The following DET1 variants were observed in gnomAD, a reference collection of about 807,000 sequenced individuals.
DET1 encodes the protein DET1 homolog.
Under a neutral mutation model 43.7 loss-of-function variants are expected in DET1, and 22 were observed. That is an observed-to-expected ratio of 0.50 (90% CI 0.36 to 0.72). DET1 has a LOEUF of 0.72. Ranked by LOEUF, DET1 falls within the 30% of genes least tolerant of loss-of-function variation. The pLI, the probability that DET1 is intolerant of heterozygous loss-of-function variation, is 0.00. For missense variants in DET1, 713 were observed against 713.3 expected, an observed-to-expected ratio of 1.00 and a Z score of 0.00; for synonymous variants, 315 against 266.2, an observed-to-expected ratio of 1.18 and a Z score of -1.79.
rs578127581 is a variant in DET1 at position 88,504,349 on chromosome 15, C to A, written c.*2066-362G>T. On this transcript the variant is annotated intron_variant and NMD_transcript_variant, in intron 7 of 8. Coordinates refer to the DET1 transcript ENST00000557842. This position sits in a 1 kb window ranked among gnomAD's most constrained non-coding sequence, Gnocchi z 4.7. ...CTTCTACTGTGTTTTATTGGTCATG[C>A]CAATCAACCATGATACGATGTGGGA... is the stretch of plus-strand genomic sequence containing the variant. 3.3e-5 allele frequency: 5 copies of A among 152,200 alleles called. No individual in the cohort carries two copies. In the East Asian group the frequency reaches 9.6e-4, roughly 29 times the overall value. The allele number at this position is 152,200 out of a possible 1,614,324, so 9.4% of individuals were successfully genotyped here.
intron 1 of DET1, among the ~76,000 whole-genome samples, chr15:88,538,878 TGTTCTG>T (rs1441004910): frequency 6.6e-6 from 1 of 152,210 alleles, no homozygotes; most frequent in Non-Finnish European, 1.5e-5. Context: ...GATTTGACTT[TGTTCTG>T]GTTCTGGTAA....
chr15:88,529,305 G>A (rs886852649), intron 2 of DET1, among the ~76,000 whole-genome samples: 1 of 152,156 alleles, frequency 6.6e-6, no homozygotes, highest in Admixed American at 6.5e-5. Flanking sequence ...TAATTACATG[G>A]ATATAGAATT....
chr15:88,526,899 A>G (rs1427721392), intron 3 of DET1, among the ~76,000 whole-genome samples: 1 of 152,138 alleles, frequency 6.6e-6, no homozygotes, highest in Non-Finnish European at 1.5e-5. Context: ...TCCTCATTTC[A>G]GCCTACCTCA....
At chr15:88,532,743 A>G (rs968357027) in intron 1 of DET1, among the ~76,000 whole-genome samples, 6 of 152,238 alleles carry the variant, frequency 3.9e-5, no homozygotes, top group African/African-American at 1.4e-4. Context: ...GCCACATGCA[A>G]AAGAATGAAG....
chr15:88,511,408 C>A, downstream of DET1: 3 of 985,492 alleles, frequency 3.0e-6, no homozygotes, highest in Non-Finnish European at 3.6e-6. Context: ...CCAGTGTATG[C>A]TGCAGCTGTA....
At chr15:88,521,194 T>C (rs1013766907) in intron 3 of DET1, among the ~76,000 whole-genome samples, 6 of 152,222 alleles carry the variant, frequency 3.9e-5, no homozygotes, top group Non-Finnish European at 8.8e-5. Flanking sequence ...GCATCAGATC[T>C]ACCTCAGGGC....
intron 1 of DET1, among the ~76,000 whole-genome samples, chr15:88,538,814 C>T (rs1567073949): frequency 1.3e-5 from 2 of 152,186 alleles, no homozygotes; most frequent in African/African-American, 2.4e-5. Flanking sequence ...ATGTCAGTGC[C>T]TTAAAATTCA....
At chr15:88,521,800 TTCTC>T (rs930431704) in intron 3 of DET1, among the ~76,000 whole-genome samples, 20 of 152,182 alleles carry the variant, frequency 1.3e-4, no homozygotes, top group Admixed American at 1.3e-3. Context: ...TGTATGTTCT[TTCTC>T]AAAGTTTTCA....
At position 88,530,653 on chromosome 15, in the gene DET1, T is replaced by C. The variant is rs1287655683; in HGVS notation, c.1053A>G (p.Val351=). ...ATGGATCTGTGACTCGCAGTGTTAC[T>C]ACATCCTCACTAGTGTACTTGATAA... ...HLFIKYTSED[V]VTLRVTDPSQ... The change falls in exon 2 of 5, where the codon GTA becomes GTG. Residue 351 remains valine (V), a synonymous_variant. Transcript: ENST00000268148. 1.2e-6 allele frequency: 2 copies of C among 1,612,314 alleles called. No homozygotes were observed. The highest frequency in any genetic ancestry group is 1.7e-6 in the Non-Finnish European group (2 of 1,179,010).
chr15:88,522,884 T>A (rs1223679906), intron 3 of DET1, among the ~76,000 whole-genome samples: 1 of 135,120 alleles, frequency 7.4e-6, no homozygotes, highest in East Asian at 2.0e-4. Context: ...TTTTTTCTTC[T>A]TCTTTTTTTT....
chr15:88,503,056 G>C (rs2056104142), intron 8 of DET1: 1 of 152,322 alleles, frequency 6.6e-6, no homozygotes, highest in African/African-American at 2.4e-5. Flanking sequence ...TTGAGGCTAG[G>C]AGTTGGAGAC....
At chr15:88,521,944 G>A (rs1206313799) in intron 3 of DET1, among the ~76,000 whole-genome samples, 1 of 150,138 alleles carries the variant, frequency 6.7e-6, no homozygotes, top group Non-Finnish European at 1.5e-5. Flanking sequence ...AATTTTTCTT[G>A]GGGGAAAAAA....
chr15:88,516,351 GC>G lies in DET1; in HGVS notation c.1463+430del, dbSNP rs1316911706. On this transcript the variant is annotated intron_variant, in intron 4 of 4. Coordinates refer to ENST00000268148, the MANE Select transcript of DET1 (RefSeq NM_001144074.3). This position sits in a 1 kb window ranked among gnomAD's most constrained non-coding sequence, Gnocchi z 4.4. ...TTCCAAAATTCCTCCAAGTGAGGAAGCATGAGTTTCTTCTAAATCTGTCAGC... is the reference window on the plus strand; with the variant it reads ...TTCCAAAATTCCTCCAAGTGAGGAAGATGAGTTTCTTCTAAATCTGTCAGC... Among the ~76,000 whole-genome samples, 10 of 152,326 alleles carry G rather than the reference GC, an allele frequency of 6.6e-5. No homozygotes were observed. The highest frequency in any genetic ancestry group is 2.4e-4 in the African/African-American group (10 of 41,568).
chr15:88,511,865 T>C (rs763059176), downstream of DET1, among the ~76,000 whole-genome samples: 4 of 152,266 alleles, frequency 2.6e-5, no homozygotes, highest in Admixed American at 6.5e-5. Context: ...TCCAGCTGTT[T>C]GCATCCATGG....
Position 88,516,649 on chromosome 15 carries a change from A to G in DET1, c.1463+133T>C. 1.4e-6 allele frequency: 1 copy of G among 723,054 alleles called. No individual in the cohort carries two copies. Among genetic ancestry groups the G allele is most frequent in the Non-Finnish European group, 2.1e-6 (1 of 477,294 alleles). The allele number at this position is 723,054 out of a possible 1,614,324, so 44.8% of individuals were successfully genotyped here. ...TCACAGCTCTCACTGCATTATAGAAATAGCCTGCCTTTTCAACCTTACCCA... is the reference window on the plus strand; with the variant it reads ...TCACAGCTCTCACTGCATTATAGAAGTAGCCTGCCTTTTCAACCTTACCCA... On this transcript the variant is annotated intron_variant, in intron 4 of 4. Coordinates refer to ENST00000268148, the MANE Select transcript of DET1 (RefSeq NM_001144074.3). The surrounding 1 kb of genome is among the most constrained non-coding windows in gnomAD (Gnocchi z 4.4).
rs566812415 is a variant in DET1, at chr15:88,543,514, C to T, written c.-11+3026G>A. On this transcript the variant is annotated intron_variant, in intron 1 of 4. Coordinates refer to ENST00000268148, the MANE Select transcript of DET1 (RefSeq NM_001144074.3). ...ACTGTTAGAAACTACCGAAACTGGC[C>T]GACCTGATCTTCAAGATGTGGCCCT... is the stretch of plus-strand genomic sequence containing the variant. 9.4e-4 allele frequency among the ~76,000 whole-genome samples: 143 copies of T among 152,274 alleles called. 2 individuals carry two copies. The highest frequency in any genetic ancestry group is 3.4e-3 in the Middle Eastern group (1 of 294).
intron 7 of DET1, among the ~76,000 whole-genome samples, chr15:88,506,990 A>G (rs2056148667): frequency 1.3e-5 from 2 of 152,220 alleles, no homozygotes; most frequent in South Asian, 2.1e-4. Context: ...GAGAGAAGAC[A>G]CTAGAATTGA....
chr15:88,536,374 C>T (rs373073169), intron 1 of DET1: 12 of 774,250 alleles, frequency 1.5e-5, no homozygotes, highest in East Asian at 2.4e-5. Flanking sequence ...TTGCTGTATT[C>T]CCAGCACCTA....
At position 88,516,713 on chromosome 15, in the gene DET1, A is replaced by G. The variant is rs1257603155; in HGVS notation, c.1463+69T>C. Reference sequence around the variant, plus strand: ...CAGTCACAATCAAATGATGTCCAGAAAAAGAGAAAAAGAAAGCAGGCCATC... The same window carrying G: ...CAGTCACAATCAAATGATGTCCAGAGAAAGAGAAAAAGAAAGCAGGCCATC... On this transcript the variant is annotated intron_variant, in intron 4 of 4. Coordinates refer to ENST00000268148, the MANE Select transcript of DET1 (RefSeq NM_001144074.3). The surrounding 1 kb of genome is among the most constrained non-coding windows in gnomAD (Gnocchi z 4.4). The G allele has an allele frequency of 2.6e-5, 34 of 1,319,026 alleles. No homozygotes were observed. In the East Asian group the frequency reaches 9.6e-4, roughly 37 times the overall value. The allele number at this position is 1,319,026 out of a possible 1,614,324, so 81.7% of individuals were successfully genotyped here. A position where few individuals can be genotyped will look rare whatever the true frequency, so the allele number is the denominator to read the frequency against.
Sources: gnomAD v4.1 joint callset for allele counts (sites outside exome capture counted in the v4.1 genomes callset) on GRCh38, gnomAD v4.1.1 for gene constraint, Gnocchi (gnomAD v3.1) non-coding constraint, MANE v1.5 for transcripts, NCBI Gene and HGNC (gene_info 2026-07-23, HGNC 2026-07-21) for gene names.